The following SMURF2 variants were observed in gnomAD, a reference collection of about 807,000 sequenced individuals.
The protein encoded by SMURF2 is E3 ubiquitin-protein ligase SMURF2.
A neutral mutation model predicts 109.6 loss-of-function variants in SMURF2; 48 were observed. That is an observed-to-expected ratio of 0.44 (90% CI 0.35 to 0.56). SMURF2 has a LOEUF of 0.56. Ranked by LOEUF, SMURF2 falls within the 20% of genes least tolerant of loss-of-function variation. The pLI, the probability that SMURF2 is intolerant of heterozygous loss-of-function variation, is 0.01. For synonymous variants in SMURF2, 288 were observed against 317.1 expected (o/e 0.91, Z 0.97); for missense variants, 575 against 909.0 (o/e 0.63, Z 4.72).
At chr17:64,577,340 T>G in intron 9 of SMURF2, among the ~76,000 whole-genome samples, 1 of 146,044 alleles carries the variant, frequency 6.8e-6, no homozygotes. Flanking sequence ...CACTCATAGG[T>G]GGGAATTGAA....
At chr17:64,632,781 T>C (rs1555691760) in intron 1 of SMURF2, among the ~76,000 whole-genome samples, 2 of 152,210 alleles carry the variant, frequency 1.3e-5, no homozygotes, top group African/African-American at 2.4e-5. Flanking sequence ...AATTCCAGCT[T>C]CCCACGCTTA....
chr17:64,657,827 T>C (rs189284245), intron 1 of SMURF2, among the ~76,000 whole-genome samples: 51 of 151,984 alleles, frequency 3.4e-4, no homozygotes, highest in African/African-American at 1.2e-3. Flanking sequence ...GTGATAGTAA[T>C]AGCTCAACCA....
intron 2 of SMURF2, 86 bp from the exon 3 acceptor site, chr17:64,598,576 T>G (rs1555688285): frequency 9.0e-7 from 1 of 1,108,426 alleles, no homozygotes; most frequent in African/African-American, 1.6e-5. Flanking sequence ...CTACAAAAGA[T>G]TATTCCATTC....
At chr17:64,627,802 TCA>T (rs1241333495) in intron 1 of SMURF2, among the ~76,000 whole-genome samples, 2 of 152,168 alleles carry the variant, frequency 1.3e-5, no homozygotes, top group Non-Finnish European at 2.9e-5. Context: ...AACCCAGATA[TCA>T]CCACCAACCA....
intron 6 of SMURF2, among the ~76,000 whole-genome samples, chr17:64,584,918 A>G (rs1186820198): frequency 1.1e-4 from 17 of 152,154 alleles, no homozygotes; most frequent in Non-Finnish European, 2.2e-4. Flanking sequence ...ATTTCATCCT[A>G]AATTTCCTTT....
intron 1 of SMURF2, among the ~76,000 whole-genome samples, chr17:64,632,332 A>G (rs2144711147): frequency 6.6e-6 from 1 of 152,232 alleles, no homozygotes; most frequent in South Asian, 2.1e-4. Flanking sequence ...ATCAATCACA[A>G]ATTTATACAT....
chr17:64,584,193 C>T (rs1445981164), intron 6 of SMURF2, among the ~76,000 whole-genome samples: 1 of 151,042 alleles, frequency 6.6e-6, no homozygotes, highest in East Asian at 2.0e-4. Flanking sequence ...TAGCATGCGC[C>T]TGTAATCCCA....
chr17:64,662,115 G>C lies in SMURF2; in HGVS notation c.-235C>G. The C allele has an allele frequency of 9.6e-7, 1 of 1,046,666 alleles. No homozygotes were observed. Among genetic ancestry groups the C allele is most frequent in the Non-Finnish European group, 1.1e-6 (1 of 870,554 alleles). 64.8% of individuals were successfully genotyped at this position (1,046,666 alleles called of 1,614,324 possible). A position where few individuals can be genotyped will look rare whatever the true frequency, so the allele number is the denominator to read the frequency against. On this transcript the variant is annotated 5_prime_UTR_variant, in exon 1 of 19. Transcript: ENST00000262435. ...TCGGCCCGGGCCGCACAACAAAGCG[G>C]CAGCCGCGGCCGCCCGCGCCGCCTC...
intron 4 of SMURF2, among the ~76,000 whole-genome samples, chr17:64,592,294 T>G: frequency 6.6e-6 from 1 of 152,204 alleles, no homozygotes; most frequent in East Asian, 1.9e-4. Context: ...GACCTATAAG[T>G]TTTCAGTTTG....
chr17:64,662,140 C>CCGCCCG lies in SMURF2; in HGVS notation c.-266_-261dup. ...GCAGCCGCGGCCGCCCGCGCCGCCT[C>CCGCCCG]CGCCCGCGCCCCCGCCGCCTCCTCG... On this transcript the variant is annotated 5_prime_UTR_variant, in exon 1 of 19. Transcript: ENST00000262435. 2 of 1,036,372 alleles carry CCGCCCG rather than the reference C, an allele frequency of 1.9e-6. No individual in the cohort carries two copies. Among genetic ancestry groups the CCGCCCG allele is most frequent in the Non-Finnish European group, 2.3e-6 (2 of 863,936 alleles). 64.2% of individuals were successfully genotyped at this position (1,036,372 alleles called of 1,614,324 possible). A position where few individuals can be genotyped will look rare whatever the true frequency, so the allele number is the denominator to read the frequency against.
intron 1 of SMURF2, among the ~76,000 whole-genome samples, chr17:64,617,825 G>C (rs1012700348): frequency 2.0e-5 from 3 of 152,050 alleles, no homozygotes; most frequent in Non-Finnish European, 4.4e-5. Flanking sequence ...CAACTTTTAA[G>C]TAACTACTTA....
Position 64,554,838 on chromosome 17 carries a change from G to A in SMURF2, c.1748+18C>T. On this transcript the variant is annotated intron_variant, in intron 15 of 18. Coordinates refer to ENST00000262435, the MANE Select transcript of SMURF2 (RefSeq NM_022739.4). The stretch of plus-strand genomic sequence containing the variant: ...AACATTTTAAAAAATTCAGCCTTGA[G>A]AACACAGGAGTGTTTACCTGACATA... The A allele has an allele frequency of 6.2e-7, 1 of 1,609,916 alleles. No homozygotes were observed. Among genetic ancestry groups the A allele is most frequent in the Non-Finnish European group, 8.5e-7 (1 of 1,177,888 alleles).
chr17:64,547,867 A>G lies in SMURF2; in HGVS notation c.1870-66T>C, dbSNP rs1220519234. 2 of 1,430,296 alleles carry G rather than the reference A, an allele frequency of 1.4e-6. No homozygotes were observed. The highest frequency in any genetic ancestry group is 2.8e-5 in the African/African-American group (2 of 71,226). The allele number at this position is 1,430,296 out of a possible 1,614,324, so 88.6% of individuals were successfully genotyped here. Reference sequence around the variant, plus strand: ...AGCCAGACCAAAAATTCCTCAAAAGAGAACTTTAGGTTTGTACTGCTGGCT... The same window carrying G: ...AGCCAGACCAAAAATTCCTCAAAAGGGAACTTTAGGTTTGTACTGCTGGCT... On this transcript the variant is annotated intron_variant, in intron 16 of 18. Coordinates refer to ENST00000262435, the MANE Select transcript of SMURF2 (RefSeq NM_022739.4). This position sits in a 1 kb window ranked among gnomAD's most constrained non-coding sequence, Gnocchi z 4.2.
chr17:64,648,199 A>G (rs1265940252), intron 1 of SMURF2, among the ~76,000 whole-genome samples: 1 of 152,018 alleles, frequency 6.6e-6, no homozygotes, highest in Non-Finnish European at 1.5e-5. Flanking sequence ...CAGACTACTT[A>G]CATGTGACTT....
intron 2 of SMURF2, among the ~76,000 whole-genome samples, chr17:64,601,495 G>A (rs1969895215): frequency 1.3e-5 from 2 of 152,248 alleles, no homozygotes; most frequent in South Asian, 4.1e-4. Context: ...GAACTATAAT[G>A]CGATGCCACC....
chr17:64,649,527 T>C (rs1026998037), intron 1 of SMURF2, among the ~76,000 whole-genome samples: 10 of 152,174 alleles, frequency 6.6e-5, no homozygotes, highest in African/African-American at 1.7e-4. Context: ...AAATGGTTTA[T>C]AAAAATATAT....
intron 1 of SMURF2, 126 bp downstream of exon 1, chr17:64,661,702 GC>G (rs981027522): frequency 1.8e-6 from 1 of 561,966 alleles, no homozygotes; most frequent in Non-Finnish European, 2.5e-6. Context: ...CCTGAACTAG[GC>G]CTTCCCATTC....
chr17:64,584,617 A>G (rs1474282547), intron 6 of SMURF2, among the ~76,000 whole-genome samples: 4 of 152,016 alleles, frequency 2.6e-5, no homozygotes, highest in Non-Finnish European at 4.4e-5. Flanking sequence ...TCAGCCTCCC[A>G]AAGTGCTGGG....
Position 64,581,715 on chromosome 17 carries a change from C to T in SMURF2, c.570-724G>A, listed in dbSNP as rs1462165256. ...ATCCCAGCACTTTGGGAGACCGAAG[C>T]GAGCGGATCACTTGAGGTCAGGAGT... On this transcript the variant is annotated intron_variant, in intron 7 of 18. Coordinates refer to ENST00000262435, the MANE Select transcript of SMURF2 (RefSeq NM_022739.4). This position sits in a 1 kb window ranked among gnomAD's most constrained non-coding sequence, Gnocchi z 4.3. Among the ~76,000 whole-genome samples the T allele has an allele frequency of 1.3e-5, 2 of 152,006 alleles. No individual in the cohort carries two copies. The highest frequency in any genetic ancestry group is 2.4e-5 in the African/African-American group (1 of 41,378).
Sources: allele counts gnomAD v4.1 joint callset (sites outside exome capture counted in the v4.1 genomes callset), GRCh38; gene constraint gnomAD v4.1.1; non-coding constraint Gnocchi (gnomAD v3.1); transcripts MANE v1.5; gene names NCBI Gene and HGNC (gene_info 2026-07-23, HGNC 2026-07-21).